Variants in SEM1 observed in about 807,000 individuals in gnomAD.
SEM1 encodes SEM1 26S proteasome subunit.
SEM1 carries 3 observed loss-of-function variants against 12.7 expected under a neutral mutation model. The observed-to-expected ratio is 0.24, with a 90% CI of 0.11 to 0.61. SEM1 has a LOEUF of 0.61. Among genes scored for constraint, SEM1 ranks in the 20% least tolerant of loss-of-function variants. The probability of loss-of-function intolerance (pLI) is 0.88; values close to 1 mark genes in which losing one functional copy is unlikely to be tolerated. For synonymous variants in SEM1, 30 were observed against 27.8 expected, an observed-to-expected ratio of 1.08 and a Z score of -0.25; for missense variants, 59 against 81.3, an observed-to-expected ratio of 0.73 and a Z score of 1.06.
intron 2 of SEM1, among the ~76,000 whole-genome samples, chr7:96,512,132 A>G (rs1009894056): frequency 6.6e-6 from 1 of 152,056 alleles, no homozygotes; most frequent in Non-Finnish European, 1.5e-5. Context: ...TTTCTACTGT[A>G]CCCACGACTG....
intron 2 of SEM1, among the ~76,000 whole-genome samples, chr7:96,614,855 T>TAC (rs139718624): frequency 0.02 from 3,020 of 152,220 alleles, 89 homozygotes; most frequent in African/African-American, 0.069. Flanking sequence ...CACACACACA[T>TAC]ACACACACAC....
intron 2 of SEM1, among the ~76,000 whole-genome samples, chr7:96,602,703 T>C (rs1807230952): frequency 6.6e-6 from 1 of 152,240 alleles, no homozygotes; most frequent in Admixed American, 6.5e-5. Flanking sequence ...TTGGTAAATC[T>C]GAATCTGACT....
At chr7:96,647,216 A>T (rs1001115622) in intron 2 of SEM1, among the ~76,000 whole-genome samples, 3 of 152,168 alleles carry the variant, frequency 2.0e-5, no homozygotes, top group African/African-American at 7.2e-5. Context: ...TACGTGAGAG[A>T]TGGTATTGCC....
intron 2 of SEM1, among the ~76,000 whole-genome samples, chr7:96,601,013 T>A (rs1362696135): frequency 6.6e-6 from 1 of 152,138 alleles, no homozygotes; most frequent in Non-Finnish European, 1.5e-5. Flanking sequence ...ACCAGGGATG[T>A]TGGAGGAGGA....
chr7:96,524,353 T>C (rs1161610650), intron 2 of SEM1, among the ~76,000 whole-genome samples: 1 of 152,204 alleles, frequency 6.6e-6, no homozygotes, highest in Non-Finnish European at 1.5e-5. Flanking sequence ...ATTTGCATTA[T>C]GCAATATGGT....
At chr7:96,575,422 TC>T (rs542032641) in intron 2 of SEM1, among the ~76,000 whole-genome samples, 30 of 152,276 alleles carry the variant, frequency 2.0e-4, no homozygotes, top group Non-Finnish European at 3.7e-4. Context: ...GGGAGGTGTC[TC>T]CCAGACAGGA....
chr7:96,567,496 A>ATT (rs71127461), intron 2 of SEM1, among the ~76,000 whole-genome samples: 22 of 150,556 alleles, frequency 1.5e-4, no homozygotes, highest in Middle Eastern at 3.4e-3. Flanking sequence ...AAACCTTTGT[A>ATT]TTTTTTTTCC....
chr7:96,649,888 G>C (rs1480883572), intron 2 of SEM1: 1 of 152,094 alleles, frequency 6.6e-6, no homozygotes, highest in African/African-American at 2.4e-5. Context: ...TTGCATTTTT[G>C]GTAAACAGCC....
exon 4 of SEM1, chr7:96,483,354 T>C (rs944514112): frequency 1.2e-5 from 2 of 160,608 alleles, no homozygotes; most frequent in African/African-American, 4.8e-5. Flanking sequence ...AATATTAAGA[T>C]ATAACAGGGA....
chr7:96,564,222 T>C (rs1012845625), intron 2 of SEM1, among the ~76,000 whole-genome samples: 1 of 152,052 alleles, frequency 6.6e-6, no homozygotes, highest in African/African-American at 2.4e-5. Flanking sequence ...AAAATTTTTC[T>C]CATTATTTAT....
intron 2 of SEM1, among the ~76,000 whole-genome samples, chr7:96,572,864 C>G (rs1039268691): frequency 3.9e-5 from 6 of 152,096 alleles, no homozygotes; most frequent in Non-Finnish European, 5.9e-5. Context: ...ATTGATCTGT[C>G]TAATATTGAC....
chr7:96,622,565 G>GAA, exon 3 of SEM1: 5 of 761,698 alleles, frequency 6.6e-6, no homozygotes, highest in Non-Finnish European at 2.4e-6. Flanking sequence ...TTTCTTATTA[G>GAA]CTGCATGATC....
rs183869027 is a variant in SEM1, at chr7:96,560,044, C to G, written c.171-53346G>C. 3.1e-3 allele frequency among the ~76,000 whole-genome samples: 469 copies of G among 152,312 alleles called. 2 individuals carry two copies. The highest frequency in any genetic ancestry group is 0.012 in the South Asian group (60 of 4,818). ...CTTCAGAATTTGTTTGTTACAGCAG[C>G]ATAATCTAGCTTATTCTGAATAATA... On this transcript the variant is annotated intron_variant and NMD_transcript_variant, in intron 2 of 3. Transcript: ENST00000466986.
chr7:96,563,538 A>G (rs1336353605), intron 2 of SEM1, among the ~76,000 whole-genome samples: 1 of 152,106 alleles, frequency 6.6e-6, no homozygotes, highest in African/African-American at 2.4e-5. Flanking sequence ...GGAATACAAA[A>G]AAATTTGGAA....
intron 2 of SEM1, chr7:96,650,242 T>C (rs1012207243): frequency 2.4e-6 from 1 of 408,376 alleles, no homozygotes; most frequent in East Asian, 3.7e-5. Context: ...CTTGAAAAAC[T>C]AAGGATCAAC....
In SEM1 at chr7:96,679,336, C is replaced by G. The variant is rs547917266; in HGVS notation, c.171-5477G>C. Among the ~76,000 whole-genome samples, 229 of 152,182 alleles carry G rather than the reference C, an allele frequency of 1.5e-3. 1 individual carries two copies. Among genetic ancestry groups the G allele is most frequent in the Middle Eastern group, 6.8e-3 (2 of 294 alleles). ...AAATCATTAAGACACATCCTATTAACTTGGACCATGGATTTCTATACATAA... is the reference window on the plus strand; with the variant it reads ...AAATCATTAAGACACATCCTATTAAGTTGGACCATGGATTTCTATACATAA... On this transcript the variant is annotated intron_variant, in intron 2 of 2. Transcript: ENST00000413065.
At chr7:96,633,609 A>G (rs1443241824) in intron 2 of SEM1, among the ~76,000 whole-genome samples, 1 of 152,122 alleles carries the variant, frequency 6.6e-6, no homozygotes, top group Non-Finnish European at 1.5e-5. Flanking sequence ...AACCAGAAAC[A>G]CTTATATTGC....
intron 2 of SEM1, among the ~76,000 whole-genome samples, chr7:96,485,569 G>A (rs988284354): frequency 7.7e-6 from 1 of 130,546 alleles, no homozygotes; most frequent in Non-Finnish European, 1.6e-5. Flanking sequence ...TTGAGGTGGA[G>A]TCTCACTCTA....
chr7:96,610,681 A>G (rs1249449773), intron 2 of SEM1, among the ~76,000 whole-genome samples: 1 of 152,178 alleles, frequency 6.6e-6, no homozygotes, highest in Non-Finnish European at 1.5e-5. Flanking sequence ...TAGAATTGGA[A>G]GTTTCTACAG....
Sources: allele counts gnomAD v4.1 joint callset (sites outside exome capture counted in the v4.1 genomes callset), GRCh38; gene constraint gnomAD v4.1.1; transcripts MANE v1.5; gene names NCBI Gene and HGNC (gene_info 2026-07-23, HGNC 2026-07-21).